CSMD1: variants seen among roughly 807,000 people sequenced by gnomAD.
CSMD1 encodes CUB and sushi domain-containing protein 1.
CSMD1 carries 213 observed loss-of-function variants against 417.5 expected under a neutral mutation model. The ratio of observed to expected loss-of-function variants is 0.51; its 90% CI spans 0.46 to 0.57. The LOEUF (loss-of-function observed/expected upper bound fraction) is 0.57. Among genes scored for constraint, CSMD1 ranks in the 20% least tolerant of loss-of-function variants. The probability of loss-of-function intolerance (pLI) is 0.00; values close to 1 mark genes in which losing one functional copy is unlikely to be tolerated. For missense variants in CSMD1, 6,923 were observed against 4,529.7 expected, an observed-to-expected ratio of 1.53 and a Z score of -15.17; for synonymous variants, 2,862 against 1,736.8, an observed-to-expected ratio of 1.65 and a Z score of -16.11.
intron 41 of CSMD1, among the ~76,000 whole-genome samples, chr8:3,130,763 A>T (rs1024099638): frequency 6.6e-6 from 1 of 152,020 alleles, no homozygotes; most frequent in African/African-American, 2.4e-5. Flanking sequence ...CTCACAACCT[A>T]AACATCACCC....
At chr8:4,526,302 T>C (rs1272963791) in intron 2 of CSMD1, among the ~76,000 whole-genome samples, 1 of 152,234 alleles carries the variant, frequency 6.6e-6, no homozygotes, top group Non-Finnish European at 1.5e-5. Context: ...TAATAGGAAA[T>C]GTATTAATGT....
chr8:4,534,201 G>C (rs1370560334), intron 2 of CSMD1, among the ~76,000 whole-genome samples: 1 of 152,152 alleles, frequency 6.6e-6, no homozygotes, highest in Admixed American at 6.5e-5. Flanking sequence ...ATTTAATAGA[G>C]CACACCTGCT....
chr8:4,446,553 GT>G, intron 2 of CSMD1, among the ~76,000 whole-genome samples: 1 of 151,538 alleles, frequency 6.6e-6, no homozygotes, highest in East Asian at 1.9e-4. Flanking sequence ...GTTCTGCTTT[GT>G]TTTGTTTTGT....
At chr8:3,361,629 G>T (rs1340356285) in intron 20 of CSMD1, among the ~76,000 whole-genome samples, 4 of 115,116 alleles carry the variant, frequency 3.5e-5, no homozygotes, top group African/African-American at 1.0e-4. Context: ...TCAAGCCTGG[G>T]CAACAGAGCA....
rs191045502 is a variant in CSMD1, at chr8:3,231,168, T to G, written c.4154-937A>C. On this transcript the variant is annotated intron_variant, in intron 26 of 69. Coordinates refer to ENST00000635120, the MANE Select transcript of CSMD1 (RefSeq NM_033225.6). ...AGTTGTTTTCTCCAGTTTCTATAAC[T>G]GCTGTGTATTATGTGTCGCACTGAA... Among the ~76,000 whole-genome samples the G allele has an allele frequency of 9.2e-5, 14 of 152,318 alleles. No individual in the cohort carries two copies. In the East Asian group the frequency reaches 2.7e-3, roughly 29 times the overall value.
At chr8:4,537,959 C>G (rs1257516650) in intron 2 of CSMD1, among the ~76,000 whole-genome samples, 2 of 152,184 alleles carry the variant, frequency 1.3e-5, no homozygotes, top group African/African-American at 2.4e-5. Context: ...AACCAATTTG[C>G]TTTTAACAGC....
chr8:3,590,021 A>AT (rs1396596898), intron 8 of CSMD1, among the ~76,000 whole-genome samples: 4 of 152,140 alleles, frequency 2.6e-5, no homozygotes, highest in Non-Finnish European at 5.9e-5. Context: ...GCTTGACTAA[A>AT]TTTTTTTGGA....
At chr8:4,293,602 C>T (rs893731839) in intron 3 of CSMD1, among the ~76,000 whole-genome samples, 2 of 152,172 alleles carry the variant, frequency 1.3e-5, no homozygotes, top group African/African-American at 2.4e-5. Context: ...TCATCATGAA[C>T]TAAGCAATAC....
intron 1 of CSMD1, among the ~76,000 whole-genome samples, chr8:4,925,938 C>G (rs1055957189): frequency 1.3e-5 from 2 of 152,166 alleles, no homozygotes; most frequent in African/African-American, 2.4e-5. Context: ...TGATGCATTT[C>G]CAGCCAGAGG....
intron 1 of CSMD1, among the ~76,000 whole-genome samples, chr8:4,976,359 T>C (rs1810560182): frequency 2.0e-5 from 3 of 152,220 alleles, no homozygotes; most frequent in Non-Finnish European, 4.4e-5. Context: ...CATCTTAACA[T>C]AATTATCTTA....
chr8:3,864,141 G>T (rs944677572), intron 5 of CSMD1, among the ~76,000 whole-genome samples: 9 of 152,122 alleles, frequency 5.9e-5, no homozygotes, highest in African/African-American at 2.2e-4. Context: ...AATGTGACCA[G>T]CATTTATGGA....
chr8:4,063,316 A>C (rs1322586196), intron 3 of CSMD1, among the ~76,000 whole-genome samples: 1 of 152,146 alleles, frequency 6.6e-6, no homozygotes, highest in African/African-American at 2.4e-5. Context: ...AATGTAAAAA[A>C]TAATTTAAAG....
chr8:3,433,176 T>C (rs760128290), intron 12 of CSMD1, among the ~76,000 whole-genome samples: 5 of 152,196 alleles, frequency 3.3e-5, no homozygotes, highest in African/African-American at 9.6e-5. Flanking sequence ...ATGAATGAAA[T>C]AGAAATAAAC....
chr8:4,906,586 C>CCT (rs1554516692), intron 1 of CSMD1, among the ~76,000 whole-genome samples: 5 of 151,406 alleles, frequency 3.3e-5, no homozygotes, highest in Admixed American at 2.6e-4. Context: ...CTTTTTTTTC[C>CCT]CCCACTTTGT....
chr8:4,298,168 A>G (rs145292088), intron 3 of CSMD1, among the ~76,000 whole-genome samples: 2,748 of 152,298 alleles, frequency 0.018, 45 homozygotes, highest in Non-Finnish European at 0.028. Flanking sequence ...TTAGAAAAAC[A>G]TAATTTTGAG....
intron 1 of CSMD1, among the ~76,000 whole-genome samples, chr8:4,972,158 C>G (rs551805980): frequency 6.6e-6 from 1 of 152,022 alleles, no homozygotes; most frequent in Admixed American, 6.6e-5. Flanking sequence ...AGAAATGAGA[C>G]CACACACGTA....
intron 1 of CSMD1, among the ~76,000 whole-genome samples, chr8:4,948,931 A>G (rs1168600596): frequency 6.6e-6 from 1 of 152,118 alleles, no homozygotes; most frequent in Non-Finnish European, 1.5e-5. Flanking sequence ...GATTTTTGGT[A>G]GATATAATTT....
At chr8:3,865,643 C>T (rs149822246) in intron 5 of CSMD1, among the ~76,000 whole-genome samples, 2 of 152,218 alleles carry the variant, frequency 1.3e-5, no homozygotes, top group African/African-American at 2.4e-5. Context: ...TTCACATCAT[C>T]GATGAAATTC....
intron 1 of CSMD1, among the ~76,000 whole-genome samples, chr8:4,982,353 G>A (rs574196009): frequency 1.1e-4 from 16 of 152,196 alleles, no homozygotes; most frequent in Admixed American, 5.2e-4. Flanking sequence ...TAGCTCTTGA[G>A]TTGTTCCTGG....
Sources: allele counts gnomAD v4.1 joint callset (sites outside exome capture counted in the v4.1 genomes callset), GRCh38; gene constraint gnomAD v4.1.1; transcripts MANE v1.5; gene names NCBI Gene and HGNC (gene_info 2026-07-23, HGNC 2026-07-21).